PLXNA4: variants seen among roughly 807,000 people sequenced by gnomAD.
PLXNA4 encodes plexin A4.
In PLXNA4, 44 loss-of-function variants were observed where a neutral mutation model predicts 191.8. The observed-to-expected ratio is 0.23, with a 90% CI of 0.18 to 0.29. The LOEUF (loss-of-function observed/expected upper bound fraction) is 0.29. Ranked by LOEUF, PLXNA4 falls within the 10% of genes least tolerant of loss-of-function variation. The pLI is 1.00. For synonymous variants in PLXNA4, 1,082 were observed against 1,009.5 expected (o/e 1.07, Z -1.36); for missense variants, 1,800 against 2,488.8 (o/e 0.72, Z 5.89).
intron 5 of PLXNA4, among the ~76,000 whole-genome samples, chr7:132,228,963 G>T (rs1049505901): frequency 2.6e-5 from 4 of 152,096 alleles, no homozygotes; most frequent in African/African-American, 9.7e-5. Context: ...AATCTCTCCT[G>T]CCCACCCTAG....
chr7:132,632,370 A>G (rs1803510390), intron 2 of PLXNA4, among the ~76,000 whole-genome samples: 1 of 152,166 alleles, frequency 6.6e-6, no homozygotes, highest in Admixed American at 6.5e-5. Flanking sequence ...ATAATAGAGG[A>G]TACACATTAA....
chr7:132,206,706 G>T (rs771056564), intron 10 of PLXNA4, among the ~76,000 whole-genome samples: 5 of 152,116 alleles, frequency 3.3e-5, no homozygotes, highest in African/African-American at 1.2e-4. Context: ...CGTGCCTGGG[G>T]CAGGGTAGGG....
At chr7:132,426,657 G>A (rs1185372793) in intron 3 of PLXNA4, among the ~76,000 whole-genome samples, 3 of 152,088 alleles carry the variant, frequency 2.0e-5, no homozygotes, top group Non-Finnish European at 4.4e-5. Context: ...AGAGTCTGGA[G>A]AAATTACAGA....
intron 1 of PLXNA4, among the ~76,000 whole-genome samples, chr7:132,550,023 C>T (rs2116563192): frequency 6.6e-6 from 1 of 152,286 alleles, no homozygotes; most frequent in South Asian, 2.1e-4. Context: ...CAGTTTGGAG[C>T]ACCAACCCAG....
intron 3 of PLXNA4, among the ~76,000 whole-genome samples, chr7:132,319,742 T>A (rs994012683): frequency 6.6e-6 from 1 of 152,376 alleles, no homozygotes; most frequent in Admixed American, 6.5e-5. Context: ...CCTGTCATCC[T>A]AACCTTTCTT....
intron 3 of PLXNA4, among the ~76,000 whole-genome samples, chr7:132,404,210 C>T (rs747174728): frequency 1.4e-4 from 21 of 152,218 alleles, no homozygotes; most frequent in Admixed American, 6.5e-5. Context: ...CTCCAGGAGG[C>T]TGATGTGAGG....
At chr7:132,296,294 G>A (rs1348472022) in intron 4 of PLXNA4, among the ~76,000 whole-genome samples, 1 of 152,148 alleles carries the variant, frequency 6.6e-6, no homozygotes, top group African/African-American at 2.4e-5. Flanking sequence ...CCATCCAAGG[G>A]GAAACAGCTG....
chr7:132,270,348 A>G (rs1057367164), intron 4 of PLXNA4, among the ~76,000 whole-genome samples: 1 of 152,216 alleles, frequency 6.6e-6, no homozygotes, highest in African/African-American at 2.4e-5. Context: ...TTATAGACCG[A>G]TTGAGGTCAG....
In PLXNA4 at chr7:132,285,815, T is replaced by C. The variant is rs145120392; in HGVS notation, c.1503+12276A>G. On this transcript the variant is annotated intron_variant, in intron 4 of 31. Transcript: ENST00000321063. ...AATCAGTGCTCATGGAATTTAACTA[T>C]TTCCATTAGGATACCATCCCTAGGG... is the stretch of plus-strand genomic sequence containing the variant. Among the ~76,000 whole-genome samples, 3 of 152,312 alleles carry C rather than the reference T, an allele frequency of 2.0e-5. No individual in the cohort carries two copies. The East Asian group carries it at 5.8e-4, about 29-fold the overall frequency.
At position 132,387,296 on chromosome 7, in the gene PLXNA4, A is replaced by G. The variant is rs79279581; in HGVS notation, c.1372-89074T>C. 6.9e-3 allele frequency among the ~76,000 whole-genome samples: 1,044 copies of G among 152,364 alleles called. 12 individuals carry two copies. The highest frequency in any genetic ancestry group is 0.024 in the African/African-American group (1,016 of 41,584). On this transcript the variant is annotated intron_variant, in intron 3 of 31. Coordinates refer to ENST00000321063, the MANE Select transcript of PLXNA4 (RefSeq NM_020911.2). The stretch of plus-strand genomic sequence containing the variant: ...TAAAATTCCCAGGCAATTTGTATGC[A>G]TGTGAAAGTTTGAGATGTGCTAGAA...
rs1052487165 is a variant in PLXNA4 at position 132,390,772 on chromosome 7, A to G, written c.1372-92550T>C. 5.3e-5 allele frequency among the ~76,000 whole-genome samples: 8 copies of G among 152,034 alleles called. No individual in the cohort carries two copies. In the South Asian group the frequency reaches 6.2e-4, roughly 12 times the overall value. On this transcript the variant is annotated intron_variant, in intron 3 of 31. Coordinates refer to ENST00000321063, the MANE Select transcript of PLXNA4 (RefSeq NM_020911.2). Reference sequence around the variant, plus strand: ...CACACCCAGCCCCACCCTGCCTTTCAGCAGGCACTTGCACTCCTTGAAAGT... The same window carrying G: ...CACACCCAGCCCCACCCTGCCTTTCGGCAGGCACTTGCACTCCTTGAAAGT...
intron 3 of PLXNA4, among the ~76,000 whole-genome samples, chr7:132,365,360 T>TGTGTGTGTGTGTGTGTGCGCGC: frequency 7.8e-6 from 1 of 128,742 alleles, no homozygotes; most frequent in African/African-American, 3.0e-5. Flanking sequence ...TGTGTGTGTG[T>TGTGTGTGTGTGTGTGTGCGCGC]GCGTGCGCGC....
chr7:132,513,074 G>A (rs966452522), intron 1 of PLXNA4, among the ~76,000 whole-genome samples: 8 of 152,172 alleles, frequency 5.3e-5, no homozygotes, highest in Non-Finnish European at 1.0e-4. Context: ...TTTGAAATCA[G>A]ATTTTAATTT....
intron 30 of PLXNA4, among the ~76,000 whole-genome samples, chr7:132,136,733 T>C (rs913254021): frequency 6.6e-6 from 1 of 152,210 alleles, no homozygotes; most frequent in African/African-American, 2.4e-5. Context: ...ATTGGGAAGA[T>C]GGTCTCCAAT....
chr7:132,455,214 G>A (rs1227718404), intron 3 of PLXNA4, among the ~76,000 whole-genome samples: 1 of 152,186 alleles, frequency 6.6e-6, no homozygotes, highest in Non-Finnish European at 1.5e-5. Flanking sequence ...GCAGGTGCCT[G>A]AAAATAAAGC....
chr7:132,587,700 A>G (rs1802527990), intron 2 of PLXNA4, among the ~76,000 whole-genome samples: 1 of 152,078 alleles, frequency 6.6e-6, no homozygotes, highest in Non-Finnish European at 1.5e-5. Context: ...TCAAGGATGA[A>G]GCCAGAAACA....
At chr7:132,580,951 G>A (rs989621208), upstream of PLXNA4, among the ~76,000 whole-genome samples, 8 of 152,224 alleles carry the variant, frequency 5.3e-5, no homozygotes, top group Non-Finnish European at 1.0e-4. Flanking sequence ...CAGCAGAGGA[G>A]GCAAGAGGAG....
At chr7:132,489,583 G>T in intron 2 of PLXNA4, 109 bp from the exon 3 acceptor site, 1 of 977,788 alleles carries the variant, frequency 1.0e-6, no homozygotes, top group Non-Finnish European at 1.4e-6. Flanking sequence ...TGAAACATCT[G>T]GTAACAATCC....
intron 3 of PLXNA4, among the ~76,000 whole-genome samples, chr7:132,365,364 T>TGCGTGCGTGC (rs144384812): frequency 1.4e-5 from 2 of 147,214 alleles, no homozygotes; most frequent in African/African-American, 5.1e-5. Flanking sequence ...TGTGTGTGCG[T>TGCGTGCGTGC]GCGCGCGCAT....
Sources: allele counts gnomAD v4.1 joint callset (sites outside exome capture counted in the v4.1 genomes callset), GRCh38; gene constraint gnomAD v4.1.1; transcripts MANE v1.5; gene names NCBI Gene and HGNC (gene_info 2026-07-23, HGNC 2026-07-21).